SFXN1: variants seen among roughly 807,000 people sequenced by gnomAD.
The protein encoded by SFXN1 is sideroflexin 1.
SFXN1 carries 32 observed loss-of-function variants against 39.5 expected under a neutral mutation model. The ratio of observed to expected loss-of-function variants is 0.81; its 90% confidence interval spans 0.61 to 1.09. The LOEUF is 1.09. SFXN1 is among the 50% of genes least tolerant of loss of function. The probability of loss-of-function intolerance (pLI) is 0.00; values close to 1 mark genes in which losing one functional copy is unlikely to be tolerated. For synonymous variants in SFXN1, 136 were observed against 146.5 expected (o/e 0.93, Z 0.52); for missense variants, 402 against 407.1 (o/e 0.99, Z 0.11).
At chr5:175,484,910 T>G (rs1468679269) in intron 1 of SFXN1, among the ~76,000 whole-genome samples, 1 of 152,240 alleles carries the variant, frequency 6.6e-6, no homozygotes, top group Non-Finnish European at 1.5e-5. Flanking sequence ...TTGTTTGTTT[T>G]TTAAGTGGGG....
At position 175,511,713 on chromosome 5, in the gene SFXN1, T is replaced by A. The variant is rs1760522411; in HGVS notation, c.510+187T>A. The A allele has an allele frequency of 5.0e-6, 3 of 604,524 alleles. No homozygotes were observed. In the South Asian group the frequency reaches 6.0e-5, roughly 12 times the overall value. The allele number at this position is 604,524 out of a possible 1,614,324, so 37.4% of individuals were successfully genotyped here. A position where few individuals can be genotyped will look rare whatever the true frequency, so the allele number is the denominator to read the frequency against. On this transcript the variant is annotated intron_variant, in intron 5 of 10. Coordinates refer to ENST00000321442, the MANE Select transcript of SFXN1 (RefSeq NM_022754.7). ...GGGAAGAGTTGTCACCAGTAACACCTACCAGGACTGTGGTCTGTGCCTGAC... is the reference window on the plus strand; with the variant it reads ...GGGAAGAGTTGTCACCAGTAACACCAACCAGGACTGTGGTCTGTGCCTGAC...
At chr5:175,519,308 A>G (rs1760808369) in intron 8 of SFXN1, among the ~76,000 whole-genome samples, 1 of 152,246 alleles carries the variant, frequency 6.6e-6, no homozygotes, top group Admixed American at 6.5e-5. Flanking sequence ...TTACAAAGTT[A>G]AACAGATGCT....
rs1363949726 is a variant in SFXN1 at position 175,528,545 on chromosome 5, GT to G, written c.*1815del. 2 of 152,100 alleles carry G rather than the reference GT, an allele frequency of 1.3e-5. No individual in the cohort carries two copies. The highest frequency in any genetic ancestry group is 2.9e-5 in the Non-Finnish European group (2 of 68,026). 9.4% of individuals were successfully genotyped at this position (152,100 alleles called of 1,614,324 possible). On this transcript the variant is annotated 3_prime_UTR_variant, in exon 11 of 11. Transcript: ENST00000321442. Reference sequence around the variant, plus strand: ...ATGAAAAAAATATAGAAACTATTTAGTTTTGGTAGATTTTTTTTCTGACAAT... The same window carrying G: ...ATGAAAAAAATATAGAAACTATTTAGTTTGGTAGATTTTTTTTCTGACAAT...
rs914152796 is a variant in SFXN1, at chr5:175,510,130, C to T, written c.357C>T (p.Phe119=). 4 of 1,613,094 alleles carry T rather than the reference C, an allele frequency of 2.5e-6. No individual in the cohort carries two copies. The highest frequency in any genetic ancestry group is 8.5e-7 in the Non-Finnish European group (1 of 1,179,612). Residue 119 remains phenylalanine, a synonymous_variant, in exon 4 of 11, where the codon TTC becomes TTT. Transcript: ENST00000321442. ...TFYRTTPAVL[F]WQWINQSFNA... is the part of the protein sequence containing the mutation. The stretch of plus-strand genomic sequence containing the variant: ...TTAGGACTACGCCGGCTGTGCTGTT[C>T]TGGCAGTGGATTAACCAGTCCTTCA...
intron 1 of SFXN1, among the ~76,000 whole-genome samples, chr5:175,484,767 C>G (rs575196910): frequency 1.3e-5 from 2 of 152,340 alleles, no homozygotes; most frequent in East Asian, 3.9e-4. Context: ...ACTATGTTGC[C>G]CAGTGTGGTC....
rs898407705 is a variant in SFXN1 at position 175,510,908 on chromosome 5, G to A, written c.435-543G>A. Reference sequence around the variant, plus strand: ...ATCTTGAAATCTGCAGCCAAGTGGTGTTTATTGCAATTAAAATTTCTTTTA... The same window carrying A: ...ATCTTGAAATCTGCAGCCAAGTGGTATTTATTGCAATTAAAATTTCTTTTA... On this transcript the variant is annotated intron_variant, in intron 4 of 10. Transcript: ENST00000321442. Among the ~76,000 whole-genome samples, 13 of 152,278 alleles carry A rather than the reference G, an allele frequency of 8.5e-5. No homozygotes were observed. The East Asian group carries it at 2.3e-3, about 27-fold the overall frequency.
chr5:175,491,434 G>A (rs1301083510), intron 1 of SFXN1: 3 of 151,466 alleles, frequency 2.0e-5, no homozygotes, highest in Non-Finnish European at 4.4e-5. Flanking sequence ...AGAAAAATGG[G>A]TTCAAACTTC....
intron 2 of SFXN1, among the ~76,000 whole-genome samples, chr5:175,497,992 T>C (rs1481256225): frequency 2.0e-5 from 3 of 150,788 alleles, no homozygotes; most frequent in Non-Finnish European, 4.4e-5. Flanking sequence ...ATACCTTTTA[T>C]CATCTTTGAT....
At chr5:175,482,890 G>A (rs531622311) in intron 1 of SFXN1, among the ~76,000 whole-genome samples, 3 of 152,184 alleles carry the variant, frequency 2.0e-5, no homozygotes, top group South Asian at 2.1e-4. Context: ...ACCACAGGGC[G>A]GGGGGCCTCC....
chr5:175,494,361 G>A (rs370489039), intron 2 of SFXN1, among the ~76,000 whole-genome samples: 1 of 152,236 alleles, frequency 6.6e-6, no homozygotes, highest in African/African-American at 2.4e-5. Context: ...AATGCCTGAA[G>A]ATAGTAAGCG....
At chr5:175,511,744 G>A (rs563258701) in intron 5 of SFXN1, among the ~76,000 whole-genome samples, 2 of 146,488 alleles carry the variant, frequency 1.4e-5, no homozygotes, top group East Asian at 2.0e-4. Flanking sequence ...CTGACTCTGT[G>A]TACGAAGTGC....
intron 10 of SFXN1, 121 bp from the exon 11 acceptor site, chr5:175,526,517 C>T (rs1277566174): frequency 5.8e-6 from 4 of 692,420 alleles, no homozygotes; most frequent in African/African-American, 1.8e-5. Context: ...AAGCATTTCT[C>T]CAACAAGACC....
chr5:175,495,934 CTT>C (rs1361712325), intron 2 of SFXN1, among the ~76,000 whole-genome samples: 2 of 143,206 alleles, frequency 1.4e-5, no homozygotes, highest in Admixed American at 7.0e-5. Flanking sequence ...GAGTTTCGCT[CTT>C]GTTGCCCAGG....
chr5:175,501,194 G>A (rs2662152), intron 2 of SFXN1, among the ~76,000 whole-genome samples: 8,137 of 150,566 alleles, frequency 0.054, 713 homozygotes, highest in African/African-American at 0.19. Flanking sequence ...TAAGCCTCCC[G>A]AGTAGCTAGG....
In SFXN1 at chr5:175,488,305, C is replaced by CTTTT. The variant is rs541900398; in HGVS notation, c.-9-3779_-9-3776dup. 1.4e-4 allele frequency among the ~76,000 whole-genome samples: 20 copies of CTTTT among 143,276 alleles called. 1 individual carries two copies. The highest frequency in any genetic ancestry group is 4.5e-4 in the South Asian group (2 of 4,490). The allele number at this position is 143,276 out of a possible 152,430, so 94.0% of individuals were successfully genotyped here. A position where few individuals can be genotyped will look rare whatever the true frequency, so the allele number is the denominator to read the frequency against. ...TTCTTTGAAGACACCAGATGCATTT[C>CTTTT]TTTTTTTTTTTTTTGAGACGGAGTT... On this transcript the variant is annotated intron_variant, in intron 1 of 10. Transcript: ENST00000321442.
At position 175,522,379 on chromosome 5, in the gene SFXN1, G is replaced by A. The variant is rs770378728; in HGVS notation, c.829G>A (p.Val277Met). Residue 277 changes from valine (V) to methionine (M), a missense_variant, in exon 10 of 11, where the codon GTG (valine) becomes ATG (methionine). Transcript: ENST00000321442. ...TTTTTTTGTATTTTTTTTAAGTTTG[G>A]TGTTTGCTACACCCCTGTGTTGTGC... ...IQVGLVGFCLVFATPLCCALF... is the reference protein window; with the variant it reads ...IQVGLVGFCLMFATPLCCALF... 220 of 1,582,216 alleles carry A rather than the reference G, an allele frequency of 1.4e-4. 1 individual carries two copies. The highest frequency in any genetic ancestry group is 1.4e-3 in the Middle Eastern group (8 of 5,892).
intron 10 of SFXN1, chr5:175,523,714 A>G (rs1760948711): frequency 6.6e-6 from 1 of 152,216 alleles, no homozygotes; most frequent in African/African-American, 2.4e-5. Flanking sequence ...AGGGGTAGAA[A>G]TGGAAAGCTT....
intron 10 of SFXN1, 112 bp from the exon 11 acceptor site, chr5:175,526,526 C>A: frequency 1.4e-6 from 1 of 729,188 alleles, no homozygotes. Context: ...TCCAACAAGA[C>A]CCACTGTACC....
intron 3 of SFXN1, 141 bp from the exon 4 acceptor site, chr5:175,509,968 C>G (rs1372117875): frequency 1.6e-6 from 1 of 632,538 alleles, no homozygotes; most frequent in African/African-American, 1.8e-5. Flanking sequence ...GCCCAGCACA[C>G]AGATCCTAAG....
Sources: allele counts gnomAD v4.1 joint callset (sites outside exome capture counted in the v4.1 genomes callset), GRCh38; gene constraint gnomAD v4.1.1; transcripts MANE v1.5; gene names NCBI Gene and HGNC (gene_info 2026-07-23, HGNC 2026-07-21).